IKZF1: variants seen among roughly 807,000 people sequenced by gnomAD.
The protein encoded by IKZF1 is IKAROS family zinc finger 1.
In IKZF1, 10 loss-of-function variants were observed where a neutral mutation model predicts 51.7. That is an observed-to-expected ratio of 0.19 (90% CI 0.12 to 0.33). The LOEUF is 0.33. Among genes scored for constraint, IKZF1 ranks in the 10% least tolerant of loss-of-function variants. IKZF1 has a pLI of 1.00. For missense variants in IKZF1, 484 were observed against 707.5 expected (o/e 0.68, Z 3.58); for synonymous variants, 280 against 282.3 (o/e 0.99, Z 0.08).
chr7:50,311,628 C>G (rs770129602), intron 1 of IKZF1, among the ~76,000 whole-genome samples: 1 of 152,180 alleles, frequency 6.6e-6, no homozygotes, highest in Non-Finnish European at 1.5e-5. Context: ...TAATAGAAGT[C>G]AAATGGCTTT....
chr7:50,403,542 G>T lies in IKZF1; in HGVS notation c.*2915G>T. ...CTGACACCCCAGCTTCCCAGGATGT[G>T]GAAAGCCTGGATCTCAGCTCCTTGC... On this transcript the variant is annotated 3_prime_UTR_variant, in exon 8 of 8. Coordinates refer to ENST00000331340, the MANE Select transcript of IKZF1 (RefSeq NM_006060.6). 4.4e-6 allele frequency: 1 copy of T among 229,534 alleles called. No individual in the cohort carries two copies. The highest frequency in any genetic ancestry group is 8.6e-6 in the Non-Finnish European group (1 of 115,642). 14.2% of individuals were successfully genotyped at this position (229,534 alleles called of 1,614,324 possible).
chr7:50,313,174 A>G (rs986383272), intron 1 of IKZF1, among the ~76,000 whole-genome samples: 9 of 152,354 alleles, frequency 5.9e-5, no homozygotes, highest in Admixed American at 2.0e-4. Flanking sequence ...ATAGATTTGC[A>G]AAAGTAAAAT....
At chr7:50,391,940 G>A (rs1815208528) in intron 7 of IKZF1, 77 bp downstream of exon 7, 4 of 1,449,502 alleles carry the variant, frequency 2.8e-6, no homozygotes, top group Non-Finnish European at 3.7e-6. Context: ...TGAGTTGAGG[G>A]TGGAAGAAAG....
At chr7:50,318,382 C>A (rs1018008072) in intron 1 of IKZF1, 1 of 228,776 alleles carries the variant, frequency 4.4e-6, no homozygotes, top group African/African-American at 2.2e-5. Context: ...CTCCTGGGCT[C>A]GTTTTGCTGC....
intron 1 of IKZF1, among the ~76,000 whole-genome samples, chr7:50,316,628 C>T (rs1562717198): frequency 6.6e-6 from 1 of 152,220 alleles, no homozygotes; most frequent in African/African-American, 2.4e-5. Flanking sequence ...AGAAGGTTCC[C>T]ACAGAGCAGA....
At chr7:50,343,910 CT>C (rs1419970774) in intron 3 of IKZF1, among the ~76,000 whole-genome samples, 1 of 152,168 alleles carries the variant, frequency 6.6e-6, no homozygotes, top group South Asian at 2.1e-4. Context: ...GAGCCTAGAC[CT>C]TTGAATAAAG....
intron 1 of IKZF1, among the ~76,000 whole-genome samples, chr7:50,311,312 T>C (rs1438020789): frequency 1.3e-5 from 2 of 152,210 alleles, no homozygotes; most frequent in African/African-American, 4.8e-5. Flanking sequence ...CAACAATGAA[T>C]CCCCTAATGT....
At chr7:50,393,042 A>G (rs916053911) in intron 7 of IKZF1, among the ~76,000 whole-genome samples, 5 of 152,200 alleles carry the variant, frequency 3.3e-5, no homozygotes, top group Admixed American at 2.6e-4. Context: ...AAGCACTGGC[A>G]TATTTTTTAT....
chr7:50,319,383 G>A (rs1792510277), intron 2 of IKZF1, among the ~76,000 whole-genome samples: 1 of 152,182 alleles, frequency 6.6e-6, no homozygotes, highest in Admixed American at 6.5e-5. Flanking sequence ...AGGAAAAATG[G>A]CTGATTGGTT....
At chr7:50,396,141 A>C (rs536564983) in intron 7 of IKZF1, among the ~76,000 whole-genome samples, 4 of 152,100 alleles carry the variant, frequency 2.6e-5, no homozygotes, top group African/African-American at 9.6e-5. Flanking sequence ...TTTTATATAA[A>C]TATGTTTTGT....
chr7:50,350,642 T>G (rs1801629529), intron 3 of IKZF1, among the ~76,000 whole-genome samples: 3 of 152,228 alleles, frequency 2.0e-5, no homozygotes, highest in Admixed American at 2.0e-4. Flanking sequence ...TAATTCTGCC[T>G]TGTGCTTAAC....
intron 1 of IKZF1, among the ~76,000 whole-genome samples, chr7:50,306,036 G>A (rs1480944190): frequency 2.6e-5 from 4 of 152,124 alleles, no homozygotes; most frequent in Non-Finnish European, 4.4e-5. Context: ...AACAATTTCA[G>A]TATTATTTAT....
In IKZF1 at chr7:50,319,080, C is replaced by A. The variant is rs1325476367; in HGVS notation, c.19C>A (p.Gln7Lys). 1.2e-6 allele frequency: 2 copies of A among 1,613,608 alleles called. No individual in the cohort carries two copies. Among genetic ancestry groups the A allele is most frequent in the Admixed American group, 3.3e-5 (2 of 60,024 alleles). Residue 7 changes from glutamine (Q) to lysine (K), a missense_variant, in exon 2 of 8, where the codon CAA becomes AAA. This residue lies in a region of IKZF1 where 118 missense variants were observed against 138.4 expected (regional missense o/e 0.85). Coordinates refer to ENST00000331340, the MANE Select transcript of IKZF1 (RefSeq NM_006060.6). Reference protein sequence around the residue: MDADEGQDMSQVSGKES... With the variant: MDADEGKDMSQVSGKES... ...GAGGACCATGGATGCTGATGAGGGT[C>A]AAGACATGTCCCAAGTTTCAGGTGA...
chr7:50,399,988 G>A lies in IKZF1; in HGVS notation c.921G>A (p.Lys307=), dbSNP rs2153517654. 2 of 1,613,512 alleles carry A rather than the reference G, an allele frequency of 1.2e-6. No homozygotes were observed. The highest frequency in any genetic ancestry group is 2.2e-5 in the South Asian group (2 of 90,864). ...ACGAGAAGGAGAACGAAATGATGAA[G>A]TCCCACGTGATGGACCAAGCCATCA... ...ASYEKENEMM[K]SHVMDQAINN... Residue 307 remains lysine (K), a synonymous_variant, in exon 8 of 8, where the codon AAG becomes AAA. Transcript: ENST00000331340.
chr7:50,379,189 G>A (rs1438951115), intron 4 of IKZF1, among the ~76,000 whole-genome samples: 1 of 152,226 alleles, frequency 6.6e-6, no homozygotes, highest in Admixed American at 6.5e-5. Context: ...AGGCAGCAGG[G>A]CAGTGCAGCT....
chr7:50,338,632 A>G (rs1202660055), intron 3 of IKZF1, among the ~76,000 whole-genome samples: 9 of 152,230 alleles, frequency 5.9e-5, no homozygotes, highest in African/African-American at 2.2e-4. Flanking sequence ...CCCTCCTTTT[A>G]TGCAAAAGTA....
chr7:50,401,933 C>G lies in IKZF1; in HGVS notation c.*1306C>G, dbSNP rs959991129. Reference sequence around the variant, plus strand: ...CCACACATACATAGGATGGCTGGCTCTGCACCTGTAGGATATTGGAATGCA... The same window carrying G: ...CCACACATACATAGGATGGCTGGCTGTGCACCTGTAGGATATTGGAATGCA... On this transcript the variant is annotated 3_prime_UTR_variant, in exon 8 of 8. Coordinates refer to ENST00000331340, the MANE Select transcript of IKZF1 (RefSeq NM_006060.6). 16 of 227,118 alleles carry G rather than the reference C, an allele frequency of 7.0e-5. No homozygotes were observed. The highest frequency in any genetic ancestry group is 2.3e-4 in the Admixed American group (4 of 17,528). 14.1% of individuals were successfully genotyped at this position (227,118 alleles called of 1,614,324 possible). A position where few individuals can be genotyped will look rare whatever the true frequency, so the allele number is the denominator to read the frequency against.
intron 3 of IKZF1, among the ~76,000 whole-genome samples, chr7:50,354,092 G>A (rs1412116924): frequency 6.6e-6 from 1 of 152,230 alleles, no homozygotes; most frequent in African/African-American, 2.4e-5. Flanking sequence ...AGCCCCAGGT[G>A]TGGTGTCCCT....
chr7:50,361,800 C>T (rs1004894181), intron 3 of IKZF1, among the ~76,000 whole-genome samples: 6 of 151,902 alleles, frequency 3.9e-5, no homozygotes, highest in African/African-American at 7.3e-5. Flanking sequence ...CACTTGAACC[C>T]GGGAGGAGGA....
Sources: allele counts gnomAD v4.1 joint callset (sites outside exome capture counted in the v4.1 genomes callset), GRCh38; gene constraint gnomAD v4.1.1; regional missense constraint gnomAD v4.1.1; transcripts MANE v1.5; gene names NCBI Gene and HGNC (gene_info 2026-07-23, HGNC 2026-07-21).